Variants in EPHA7 observed in about 807,000 individuals in gnomAD.
EPHA7 encodes the protein ephrin type-A receptor 7.
A neutral mutation model predicts 112.6 loss-of-function variants in EPHA7; 25 were observed. The ratio of observed to expected loss-of-function variants is 0.22; its 90% CI spans 0.16 to 0.31. EPHA7 has a LOEUF of 0.31. Among genes scored for constraint, EPHA7 ranks in the 10% least tolerant of loss-of-function variants. The pLI, the probability that EPHA7 is intolerant of heterozygous loss-of-function variation, is 1.00. For synonymous variants in EPHA7, 437 were observed against 406.5 expected (o/e 1.07, Z -0.90); for missense variants, 962 against 1,212.6 (o/e 0.79, Z 3.07).
chr6:93,299,076 C>T (rs186663337), intron 5 of EPHA7, among the ~76,000 whole-genome samples: 137 of 152,030 alleles, frequency 9.0e-4, no homozygotes, highest in Admixed American at 2.6e-3. Context: ...CCTGTAATCC[C>T]AGCACTTTGG....
intron 3 of EPHA7, among the ~76,000 whole-genome samples, chr6:93,374,848 T>C (rs1486812902): frequency 3.9e-5 from 6 of 152,180 alleles, no homozygotes; most frequent in Non-Finnish European, 8.8e-5. Flanking sequence ...TAAGAGTGTT[T>C]GGCACACAGT....
intron 3 of EPHA7, among the ~76,000 whole-genome samples, chr6:93,376,022 G>A (rs1452707673): frequency 2.6e-5 from 4 of 152,162 alleles, no homozygotes; most frequent in Non-Finnish European, 1.5e-5. Flanking sequence ...TCAGAAGGAG[G>A]TGGGGGTTGG....
At chr6:93,346,464 G>A (rs1186256580) in intron 5 of EPHA7, among the ~76,000 whole-genome samples, 1 of 151,756 alleles carries the variant, frequency 6.6e-6, no homozygotes, top group African/African-American at 2.4e-5. Flanking sequence ...ACTGGTTTCA[G>A]TCAAGGAAGG....
At chr6:93,315,301 C>T (rs1773756430) in intron 5 of EPHA7, among the ~76,000 whole-genome samples, 1 of 152,078 alleles carries the variant, frequency 6.6e-6, no homozygotes, top group Non-Finnish European at 1.5e-5. Context: ...TAGGTATTCA[C>T]ACTTAACAAA....
At chr6:93,356,670 T>C (rs925857454) in intron 5 of EPHA7, 47 bp downstream of exon 5, 2 of 1,512,582 alleles carry the variant, frequency 1.3e-6, no homozygotes, top group African/African-American at 2.8e-5. Flanking sequence ...ACACCTCACT[T>C]AGGTAGTCAC....
chr6:93,417,815 G>T (rs993690935), intron 1 of EPHA7, among the ~76,000 whole-genome samples: 1 of 152,058 alleles, frequency 6.6e-6, no homozygotes, highest in Non-Finnish European at 1.5e-5. Context: ...GGAGGCACGG[G>T]GTTCTCTGAA....
chr6:93,417,683 G>GTA (rs1017703432), intron 1 of EPHA7, among the ~76,000 whole-genome samples: 2 of 152,142 alleles, frequency 1.3e-5, no homozygotes, highest in Non-Finnish European at 2.9e-5. Context: ...AGGAATCACA[G>GTA]TATGCCAGGG....
At chr6:93,416,821 G>A (rs1019298089) in intron 1 of EPHA7, among the ~76,000 whole-genome samples, 1 of 151,732 alleles carries the variant, frequency 6.6e-6, no homozygotes, top group East Asian at 2.0e-4. Context: ...GGCGCGCCCT[G>A]ACAGACCCAG....
intron 14 of EPHA7, among the ~76,000 whole-genome samples, chr6:93,248,113 AG>A (rs1429737755): frequency 2.4e-5 from 2 of 81,904 alleles, no homozygotes; most frequent in African/African-American, 6.8e-5. Context: ...TGACCCTCTG[AG>A]GAAAAAAAAA....
chr6:93,311,220 C>A (rs909854960), intron 5 of EPHA7, among the ~76,000 whole-genome samples: 1 of 149,594 alleles, frequency 6.7e-6, no homozygotes, highest in East Asian at 2.0e-4. Flanking sequence ...GCCTCAGGCT[C>A]CCAAAGTGCT....
At chr6:93,375,597 CA>C (rs1012161839) in intron 3 of EPHA7, among the ~76,000 whole-genome samples, 15 of 113,292 alleles carry the variant, frequency 1.3e-4, no homozygotes, top group South Asian at 5.7e-4. Context: ...AAAAAACAAA[CA>C]AAAAAAAAAC....
chr6:93,333,349 C>T (rs1026934598), intron 5 of EPHA7, among the ~76,000 whole-genome samples: 5 of 151,778 alleles, frequency 3.3e-5, no homozygotes, highest in African/African-American at 9.7e-5. Context: ...GACGAACATA[C>T]GCATGCATGT....
Position 93,269,537 on chromosome 6 carries a change from T to G in EPHA7, c.1573A>C (p.Asn525His), listed in dbSNP as rs569672013. 54 of 1,611,236 alleles carry G rather than the reference T, an allele frequency of 3.4e-5. 1 individual carries two copies. The South Asian group carries it at 5.6e-4, about 17-fold the overall frequency. ...GCAACATCAAGTCTGGGACTGTAAT[T>G]TCCATAACCAGCAGCAGTAAAAGCC... The part of the protein sequence containing the change: ...IRAFTAAGYG[N>H]YSPRLDVATL... The change falls in exon 7 of 17, where the codon AAT becomes CAT. Residue 525 changes from asparagine to histidine, a missense_variant. Around this residue, in one of 3 missense-constraint regions of EPHA7, gnomAD observed 746 missense variants for 889.2 expected, o/e 0.84. Coordinates refer to ENST00000369303, the MANE Select transcript of EPHA7 (RefSeq NM_004440.4).
rs118097002 is a variant in EPHA7, at chr6:93,387,757, T to C, written c.832+22744A>G. 3.3e-5 allele frequency among the ~76,000 whole-genome samples: 5 copies of C among 152,108 alleles called. No homozygotes were observed. In the East Asian group the frequency reaches 7.8e-4, roughly 24 times the overall value. On this transcript the variant is annotated intron_variant, in intron 3 of 16. Coordinates refer to ENST00000369303, the MANE Select transcript of EPHA7 (RefSeq NM_004440.4). ...AGAGTGAAGGGGGGAAAACACCTTA[T>C]AAAACCATCAGATCTCATAAGAACT...
At chr6:93,407,931 C>T (rs1051840121) in intron 3 of EPHA7, among the ~76,000 whole-genome samples, 15 of 151,808 alleles carry the variant, frequency 9.9e-5, no homozygotes, top group Admixed American at 9.2e-4. Context: ...TTTAAGACTG[C>T]TTTTCTTACT....
At chr6:93,328,518 G>C (rs898091583) in intron 5 of EPHA7, among the ~76,000 whole-genome samples, 1 of 151,374 alleles carries the variant, frequency 6.6e-6, no homozygotes, top group Non-Finnish European at 1.5e-5. Context: ...AAATGTTTTG[G>C]CATGATGGAA....
intron 5 of EPHA7, among the ~76,000 whole-genome samples, chr6:93,334,362 C>T (rs566486714): frequency 1.6e-4 from 24 of 151,846 alleles, no homozygotes; most frequent in Middle Eastern, 3.4e-3. Context: ...GATGAAGATG[C>T]CAAAAGCAAC....
intron 5 of EPHA7, among the ~76,000 whole-genome samples, chr6:93,274,093 T>C (rs571619020): frequency 6.6e-6 from 1 of 152,088 alleles, no homozygotes; most frequent in South Asian, 2.1e-4. Context: ...TGATCAGAGT[T>C]TACCATTTAT....
rs372024057 is a variant in EPHA7, at chr6:93,255,868, C to T, written c.2342G>A (p.Arg781Gln). 4.3e-6 allele frequency: 7 copies of T among 1,613,910 alleles called. No individual in the cohort carries two copies. Among genetic ancestry groups the T allele is most frequent in the African/African-American group, 1.3e-5 (1 of 74,894 alleles). ...AGCTTCTGGATCATCCTCTATAACT[C>T]GGGACAGGCCAAAATCTGACACTTT... ...VCKVSDFGLS[R>Q]VIEDDPEAVY... Residue 781 changes from arginine (R) to glutamine (Q), a missense_variant, in exon 13 of 17, where the codon CGA becomes CAA. Arg to Gln is a conservative substitution (Grantham distance 43, BLOSUM62 1). Coordinates refer to ENST00000369303, the MANE Select transcript of EPHA7 (RefSeq NM_004440.4).
Sources: gnomAD v4.1 joint callset for allele counts (sites outside exome capture counted in the v4.1 genomes callset) on GRCh38, gnomAD v4.1.1 for gene constraint, gnomAD v4.1.1 regional missense constraint, MANE v1.5 for transcripts, NCBI Gene and HGNC (gene_info 2026-07-23, HGNC 2026-07-21) for gene names.